Variants in HNRNPUL1 observed in about 807,000 individuals in gnomAD.
HNRNPUL1 encodes the protein heterogeneous nuclear ribonucleoprotein U like 1, also known as heterogeneous nuclear ribonucleoprotein U-like protein 1.
In HNRNPUL1, 14 loss-of-function variants were observed where a neutral mutation model predicts 108.5. The ratio of observed to expected loss-of-function variants is 0.13; its 90% CI spans 0.09 to 0.20. HNRNPUL1 has a LOEUF of 0.20. Among genes scored for constraint, HNRNPUL1 ranks in the 10% least tolerant of loss-of-function variants. The pLI, the probability that HNRNPUL1 is intolerant of heterozygous loss-of-function variation, is 1.00. For synonymous variants in HNRNPUL1, 422 were observed against 445.2 expected (o/e 0.95, Z 0.66); for missense variants, 804 against 1,168.3 (o/e 0.69, Z 4.55).
intron 13 of HNRNPUL1, among the ~76,000 whole-genome samples, chr19:41,305,070 A>G (rs1443876333): frequency 6.6e-6 from 1 of 152,184 alleles, no homozygotes; most frequent in Non-Finnish European, 1.5e-5. Context: ...GGGTGGCACT[A>G]TAGCTCTGGG....
At chr19:41,262,905 T>C (rs2034588757), upstream of HNRNPUL1, 1 of 151,886 alleles carries the variant, frequency 6.6e-6, no homozygotes, top group African/African-American at 2.4e-5. Context: ...TCGGGCATGG[T>C]GGCGGGGACC....
rs1360193684 is a variant in HNRNPUL1 at position 41,306,578 on chromosome 19, A to T, written c.*13A>T. 28 of 1,472,958 alleles carry T rather than the reference A, an allele frequency of 1.9e-5. No individual in the cohort carries two copies. The highest frequency in any genetic ancestry group is 2.4e-5 in the Non-Finnish European group (27 of 1,104,962). The allele number at this position is 1,472,958 out of a possible 1,614,324, so 91.2% of individuals were successfully genotyped here. On this transcript the variant is annotated 3_prime_UTR_variant, in exon 15 of 15. Transcript: ENST00000392006. ...AAGTACACAGTAGCCAGTGTGACCC[A>T]GAGGCTCCCGGAGGCCCCTGCCGGC...
chr19:41,279,026 C>A (rs2035747718), intron 5 of HNRNPUL1, 51 bp from the exon 6 acceptor site: 1 of 1,294,814 alleles, frequency 7.7e-7, no homozygotes, highest in Non-Finnish European at 1.1e-6. Context: ...TGGCTCATAA[C>A]CTACGGCCTC....
chr19:41,264,243 T>G, upstream of HNRNPUL1: 7 of 351,650 alleles, frequency 2.0e-5, no homozygotes, highest in East Asian at 4.2e-5. Flanking sequence ...CTCGTGGCCG[T>G]TGTTTTGAAA....
intron 7 of HNRNPUL1, chr19:41,291,990 A>AAC: frequency 2.2e-6 from 1 of 452,318 alleles, no homozygotes. Flanking sequence ...AAAAAAAAAA[A>AAC]AAACAAAAAA....
intron 1 of HNRNPUL1, 158 bp downstream of exon 1, chr19:41,264,956 G>GATC: frequency 7.7e-7 from 1 of 1,296,446 alleles, no homozygotes; most frequent in South Asian, 2.0e-5. Context: ...CAGGGCCCCA[G>GATC]CACGACCGGA....
At chr19:41,297,835 A>G (rs2036978927) in intron 10 of HNRNPUL1, among the ~76,000 whole-genome samples, 1 of 152,114 alleles carries the variant, frequency 6.6e-6, no homozygotes, top group Non-Finnish European at 1.5e-5. Context: ...TTTCGCCTGA[A>G]ACAGAAACCC....
rs1319383619 is a variant in HNRNPUL1, at chr19:41,276,198, G to T, written c.686G>T (p.Ser229Ile). The change falls in exon 5 of 15, where the codon AGT becomes ATT. Residue 229 changes from serine (S) to isoleucine (I), a missense_variant. Around this residue, in one of 4 missense-constraint regions of HNRNPUL1, gnomAD observed 174 missense variants for 296.6 expected, o/e 0.59. Transcript: ENST00000392006. The part of the protein sequence containing the change: ...DLHFKVARDR[S>I]SGYPLTIEGF... ...CACTTCAAGGTGGCCCGAGATCGGAGTAGTGGCTATCCGCTCACAATTGAG... is the reference window on the plus strand; with the variant it reads ...CACTTCAAGGTGGCCCGAGATCGGATTAGTGGCTATCCGCTCACAATTGAG... The T allele has an allele frequency of 6.2e-7, 1 of 1,613,930 alleles. No individual in the cohort carries two copies. Among genetic ancestry groups the T allele is most frequent in the African/African-American group, 1.3e-5 (1 of 74,862 alleles).
chr19:41,288,472 G>A (rs528765025), intron 7 of HNRNPUL1, among the ~76,000 whole-genome samples: 9 of 152,016 alleles, frequency 5.9e-5, no homozygotes, highest in Admixed American at 2.6e-4. Flanking sequence ...TCGAACTCCC[G>A]ACCTCAGGTG....
chr19:41,290,242 A>G (rs747348823), intron 7 of HNRNPUL1, among the ~76,000 whole-genome samples: 1 of 152,238 alleles, frequency 6.6e-6, no homozygotes, highest in African/African-American at 2.4e-5. Context: ...TCTGCTATCT[A>G]ATCTCAAGTT....
In HNRNPUL1 at chr19:41,292,487, A is replaced by G. The variant is rs779949595; in HGVS notation, c.1242A>G (p.Gly414=). ...PLSERIRGTV[G]PKSKAECEIL... is the part of the protein sequence containing the mutation. ...GTGAGCGTATCCGGGGCACCGTTGG[A>G]CCAAAGAGCAAGGCAGAATGTGAGG... The change falls in exon 8 of 15, where the codon GGA becomes GGG. Residue 414 remains glycine, a synonymous_variant. Transcript: ENST00000392006. The surrounding 1 kb of genome is among the most constrained non-coding windows in gnomAD (Gnocchi z 4.1). The G allele has an allele frequency of 7.3e-5, 118 of 1,612,724 alleles. No individual in the cohort carries two copies. The Admixed American group carries it at 1.9e-3, about 26-fold the overall frequency.
At chr19:41,290,339 A>G (rs1001481285) in intron 7 of HNRNPUL1, among the ~76,000 whole-genome samples, 2 of 152,354 alleles carry the variant, frequency 1.3e-5, no homozygotes, top group African/African-American at 2.4e-5. Context: ...GCAAAAAAAC[A>G]CTAAGAAAAA....
At chr19:41,278,535 A>T (rs983513827) in intron 5 of HNRNPUL1, 1 of 152,798 alleles carries the variant, frequency 6.5e-6, no homozygotes, top group African/African-American at 2.4e-5. Context: ...ACATACGTAG[A>T]CATACTTGTC....
chr19:41,278,881 T>G (rs577396722), intron 5 of HNRNPUL1, among the ~76,000 whole-genome samples, 196 bp from the exon 6 acceptor site: 85 of 152,358 alleles, frequency 5.6e-4, no homozygotes, highest in African/African-American at 2.0e-3. Context: ...TCTGTGGCCC[T>G]GTACTCTACT....
At chr19:41,301,752 GAGA>G in intron 11 of HNRNPUL1, 48 bp downstream of exon 11, 2 of 1,514,100 alleles carry the variant, frequency 1.3e-6, no homozygotes, top group East Asian at 2.3e-5. Flanking sequence ...GGGTCCTGGA[GAGA>G]AGAAGCTCTT....
intron 2 of HNRNPUL1, among the ~76,000 whole-genome samples, chr19:41,270,435 C>T (rs1292054342): frequency 6.6e-6 from 1 of 151,802 alleles, no homozygotes; most frequent in Non-Finnish European, 1.5e-5. Flanking sequence ...ATTTAAAAAC[C>T]TTGTGTCTTC....
intron 7 of HNRNPUL1, among the ~76,000 whole-genome samples, chr19:41,291,060 G>A (rs572572824): frequency 1.3e-5 from 2 of 152,216 alleles, no homozygotes; most frequent in Admixed American, 6.5e-5. Context: ...AAAAAGAGGG[G>A]GGATCTTAAT....
intron 10 of HNRNPUL1, among the ~76,000 whole-genome samples, chr19:41,296,075 T>C (rs1020775678): frequency 6.6e-6 from 1 of 152,192 alleles, no homozygotes; most frequent in South Asian, 2.1e-4. Flanking sequence ...AGTAATACCA[T>C]TTTAACACTC....
At position 41,287,917 on chromosome 19, in the gene HNRNPUL1, A is replaced by T. The variant is rs189530580; in HGVS notation, c.1000-4328A>T. Among the ~76,000 whole-genome samples, 54 of 152,280 alleles carry T rather than the reference A, an allele frequency of 3.5e-4. 1 individual carries two copies. In the South Asian group the frequency reaches 9.5e-3, roughly 27 times the overall value. The stretch of plus-strand genomic sequence containing the variant: ...TGAAAACTGTGTTCATACTCTACAA[A>T]TTGTTCGGTTTTAAACCTTGCATTT... On this transcript the variant is annotated intron_variant, in intron 7 of 14. Transcript: ENST00000392006.
Sources: allele counts gnomAD v4.1 joint callset (sites outside exome capture counted in the v4.1 genomes callset), GRCh38; gene constraint gnomAD v4.1.1; regional missense constraint gnomAD v4.1.1; non-coding constraint Gnocchi (gnomAD v3.1); transcripts MANE v1.5; gene names NCBI Gene and HGNC (gene_info 2026-07-23, HGNC 2026-07-21).